KCNH7: variants seen among roughly 807,000 people sequenced by gnomAD.
KCNH7 encodes potassium voltage-gated channel subfamily H member 7, also known as voltage-gated inwardly rectifying potassium channel KCNH7.
A neutral mutation model predicts 120.8 loss-of-function variants in KCNH7; 49 were observed. That is an observed-to-expected ratio of 0.41 (90% confidence interval 0.32 to 0.51). The LOEUF is 0.51. Among genes scored for constraint, KCNH7 ranks in the 20% least tolerant of loss-of-function variants. The probability of loss-of-function intolerance (pLI) is 0.38; values close to 1 mark genes in which losing one functional copy is unlikely to be tolerated. For missense variants in KCNH7, 1,097 were observed against 1,446.6 expected (o/e 0.76, Z 3.92); for synonymous variants, 547 against 516.1 (o/e 1.06, Z -0.81).
intron 4 of KCNH7, among the ~76,000 whole-genome samples, chr2:162,513,451 T>G (rs1316952901): frequency 8.5e-6 from 1 of 116,992 alleles, no homozygotes. Context: ...CCTTCCTTCC[T>G]TCTCTCCTTC....
At chr2:162,432,481 T>C (rs781131802) in intron 8 of KCNH7, among the ~76,000 whole-genome samples, 2 of 152,032 alleles carry the variant, frequency 1.3e-5, no homozygotes, top group Non-Finnish European at 2.9e-5. Context: ...TTAATAGGGA[T>C]TTATCTAAGC....
chr2:162,457,982 G>A (rs77544974), intron 6 of KCNH7, among the ~76,000 whole-genome samples: 3,059 of 152,238 alleles, frequency 0.02, 31 homozygotes, highest in Middle Eastern at 0.034. Flanking sequence ...AATCAAAGAT[G>A]TCACATAGGA....
intron 2 of KCNH7, among the ~76,000 whole-genome samples, chr2:162,702,576 C>T (rs1686551336): frequency 1.3e-5 from 2 of 152,080 alleles, no homozygotes; most frequent in South Asian, 4.1e-4. Context: ...TCAAATAGTG[C>T]ACTGTAGACG....
At chr2:162,410,812 A>G (rs1042624918) in intron 9 of KCNH7, among the ~76,000 whole-genome samples, 2 of 152,142 alleles carry the variant, frequency 1.3e-5, no homozygotes, top group Admixed American at 6.6e-5. Flanking sequence ...ACTTCTCAAA[A>G]AAAGGCATAC....
intron 2 of KCNH7, among the ~76,000 whole-genome samples, chr2:162,759,700 G>T (rs1339533373): frequency 1.3e-5 from 2 of 150,678 alleles, no homozygotes; most frequent in African/African-American, 4.9e-5. Flanking sequence ...CAGGAAGGAA[G>T]GAAGGAAAAA....
At position 162,504,623 on chromosome 2, in the gene KCNH7, T is replaced by A; in HGVS notation, c.948A>T (p.Gly316=). 6.2e-7 allele frequency: 1 copy of A among 1,612,476 alleles called. No homozygotes were observed. The change falls in exon 6 of 16, where the codon GGA becomes GGT. Residue 316 remains glycine, a synonymous_variant. Transcript: ENST00000332142. Reference sequence around the variant, plus strand: ...TGTTGAGGTTTGAATCTGATGTGGATCCCAGGAGGCTTGACTTGATATGAT... The same window carrying A: ...TGTTGAGGTTTGAATCTGATGTGGAACCCAGGAGGCTTGACTTGATATGAT... ...PFNHIKSSLL[G]STSDSNLNKY... is the part of the protein sequence containing the mutation.
chr2:162,600,409 C>T (rs116112634), intron 2 of KCNH7, among the ~76,000 whole-genome samples: 1 of 152,042 alleles, frequency 6.6e-6, no homozygotes, highest in African/African-American at 2.4e-5. Context: ...CATGAAAAAA[C>T]CAGATAATTT....
At chr2:162,559,274 T>C (rs1451693559) in intron 2 of KCNH7, among the ~76,000 whole-genome samples, 1 of 152,000 alleles carries the variant, frequency 6.6e-6, no homozygotes, top group East Asian at 1.9e-4. Flanking sequence ...TCCAGAATAA[T>C]AGATAATTTC....
chr2:162,638,115 G>A (rs1684025981), intron 2 of KCNH7, among the ~76,000 whole-genome samples: 1 of 152,002 alleles, frequency 6.6e-6, no homozygotes, highest in Non-Finnish European at 1.5e-5. Context: ...GGTGATAGTT[G>A]CAACGTGATC....
chr2:162,462,834 T>A (rs535777732), intron 6 of KCNH7, among the ~76,000 whole-genome samples: 62 of 152,166 alleles, frequency 4.1e-4, no homozygotes, highest in Non-Finnish European at 5.6e-4. Flanking sequence ...TCCACAATGT[T>A]TACGTATTTC....
intron 6 of KCNH7, among the ~76,000 whole-genome samples, chr2:162,479,204 G>A (rs1390437475): frequency 6.8e-6 from 1 of 147,330 alleles, no homozygotes; most frequent in Non-Finnish European, 1.5e-5. Context: ...TCATTCAATA[G>A]CTTGAATATA....
chr2:162,722,150 A>G (rs929648384), intron 2 of KCNH7, among the ~76,000 whole-genome samples: 3 of 152,102 alleles, frequency 2.0e-5, no homozygotes, highest in Admixed American at 2.0e-4. Context: ...TTTTTACTAA[A>G]CGAACCAAAA....
chr2:162,697,753 T>C (rs1012817669), intron 2 of KCNH7, among the ~76,000 whole-genome samples: 1 of 152,032 alleles, frequency 6.6e-6, no homozygotes, highest in African/African-American at 2.4e-5. Flanking sequence ...TCCAAAATAA[T>C]AATAATAATA....
intron 2 of KCNH7, among the ~76,000 whole-genome samples, chr2:162,744,463 CCAG>C (rs1688243091): frequency 6.6e-6 from 1 of 152,100 alleles, no homozygotes; most frequent in Non-Finnish European, 1.5e-5. Flanking sequence ...AGCTTCCCTA[CCAG>C]GCAGGTATTC....
At chr2:162,416,168 A>C (rs1214424154) in intron 9 of KCNH7, among the ~76,000 whole-genome samples, 2 of 152,038 alleles carry the variant, frequency 1.3e-5, no homozygotes, top group Non-Finnish European at 2.9e-5. Flanking sequence ...AGGAGGGCGG[A>C]TCACAAGGTC....
chr2:162,695,773 G>C (rs1686267681), intron 2 of KCNH7, among the ~76,000 whole-genome samples: 1 of 152,062 alleles, frequency 6.6e-6, no homozygotes, highest in Admixed American at 6.6e-5. Flanking sequence ...CCACACCAGG[G>C]GAAAATTATT....
At chr2:162,700,707 T>C (rs1057247121) in intron 2 of KCNH7, among the ~76,000 whole-genome samples, 2 of 152,210 alleles carry the variant, frequency 1.3e-5, no homozygotes, top group Non-Finnish European at 2.9e-5. Context: ...AGTGATTGTG[T>C]CAGAGGTTTA....
intron 2 of KCNH7, among the ~76,000 whole-genome samples, chr2:162,771,507 C>T (rs1333745365): frequency 9.2e-5 from 14 of 152,056 alleles, no homozygotes; most frequent in Admixed American, 9.2e-4. Flanking sequence ...CTGAAGTTTA[C>T]ATTTGGATTT....
intron 2 of KCNH7, among the ~76,000 whole-genome samples, chr2:162,549,705 T>C (rs1025259975): frequency 2.0e-5 from 3 of 152,222 alleles, no homozygotes; most frequent in African/African-American, 7.2e-5. Context: ...ATGTATTACA[T>C]TTGAAAAGAA....
Sources: allele counts gnomAD v4.1 joint callset (sites outside exome capture counted in the v4.1 genomes callset), GRCh38; gene constraint gnomAD v4.1.1; transcripts MANE v1.5; gene names NCBI Gene and HGNC (gene_info 2026-07-23, HGNC 2026-07-21).